Variants in ATP2B4 observed in about 807,000 individuals in gnomAD.
The protein encoded by ATP2B4 is plasma membrane calcium-transporting ATPase 4.
ATP2B4 carries 39 observed loss-of-function variants against 110.3 expected under a neutral mutation model. The observed-to-expected ratio is 0.35, with a 90% CI of 0.27 to 0.46. The LOEUF is 0.46. ATP2B4 is among the 20% of genes least tolerant of loss of function. The pLI is 1.00. For synonymous variants in ATP2B4, 538 were observed against 571.7 expected (o/e 0.94, Z 0.84); for missense variants, 1,135 against 1,530.9 (o/e 0.74, Z 4.32).
chr1:203,637,733 T>C (rs1663499979), intron 1 of ATP2B4, among the ~76,000 whole-genome samples: 1 of 152,238 alleles, frequency 6.6e-6, no homozygotes, highest in South Asian at 2.1e-4. Context: ...GCATTAGCCT[T>C]CCTGGCAACT....
chr1:203,682,383 C>T (rs1665042027), intron 1 of ATP2B4, among the ~76,000 whole-genome samples: 1 of 152,140 alleles, frequency 6.6e-6, no homozygotes, highest in Admixed American at 6.6e-5. Flanking sequence ...GATCCTGTCA[C>T]AGGTCCCTCA....
At chr1:203,644,851 C>T (rs1316581685) in intron 1 of ATP2B4, among the ~76,000 whole-genome samples, 2 of 152,142 alleles carry the variant, frequency 1.3e-5, no homozygotes, top group African/African-American at 2.4e-5. Flanking sequence ...TTCACTCTCC[C>T]TCTTCAAACT....
rs988693267 is a variant in ATP2B4 at position 203,629,298 on chromosome 1, T to A, written c.-465+2079T>A. Among the ~76,000 whole-genome samples the A allele has an allele frequency of 6.6e-6, 1 of 152,188 alleles. No individual in the cohort carries two copies. On this transcript the variant is annotated intron_variant, in intron 1 of 20. Coordinates refer to ENST00000357681, the MANE Select transcript of ATP2B4 (RefSeq NM_001684.5). The surrounding 1 kb of genome is among the most constrained non-coding windows in gnomAD (Gnocchi z 4.6). ...AGGGGATCCATTTCTATACTCCTCC[T>A]CGGGAGTCCCATCCTCCCTGCCACC...
intron 20 of ATP2B4, 62 bp downstream of exon 20, chr1:203,727,633 G>A (rs1666563707): frequency 6.3e-7 from 1 of 1,595,216 alleles, no homozygotes; most frequent in East Asian, 2.2e-5. Context: ...GGAAGGTGTT[G>A]GGAGGGTAGC....
Position 203,716,642 on chromosome 1 carries a change from C to G in ATP2B4, c.2406+2365C>G, listed in dbSNP as rs900053287. 5.5e-5 allele frequency among the ~76,000 whole-genome samples: 8 copies of G among 145,304 alleles called. 2 individuals carry two copies. In the East Asian group the frequency reaches 1.0e-3, roughly 19 times the overall value. On this transcript the variant is annotated intron_variant, in intron 15 of 20. Transcript: ENST00000357681. ...GTCTCAGGCCTGCTGTGTTAACTCT[C>G]TTTTGCACAATCCCCCTCCATCTTT...
chr1:203,713,952 A>T (rs1376666996), intron 14 of ATP2B4, among the ~76,000 whole-genome samples: 1 of 152,150 alleles, frequency 6.6e-6, no homozygotes, highest in Non-Finnish European at 1.5e-5. Context: ...CTTGAAATCC[A>T]TCCTATGTGT....
At position 203,741,718 on chromosome 1, in the gene ATP2B4, A is replaced by G. The variant is rs1444619805; in HGVS notation, c.*1864A>G. 1 of 152,646 alleles carries G rather than the reference A, an allele frequency of 6.6e-6. No homozygotes were observed. Among genetic ancestry groups the G allele is most frequent in the Non-Finnish European group, 1.5e-5 (1 of 68,050 alleles). The allele number at this position is 152,646 out of a possible 1,614,324, so 9.5% of individuals were successfully genotyped here. ...GTCCCCTACATATCCCCATGACTAC[A>G]TAATCCATCATCGTAGGAAATAGGA... On this transcript the variant is annotated 3_prime_UTR_variant, in exon 21 of 21. Transcript: ENST00000357681.
chr1:203,633,488 G>C (rs1351221273), intron 1 of ATP2B4, among the ~76,000 whole-genome samples: 1 of 152,138 alleles, frequency 6.6e-6, no homozygotes. Flanking sequence ...TGCCAGTTGG[G>C]CGCAGTGGCT....
Position 203,682,123 on chromosome 1 carries a change from A to G in ATP2B4, c.-464-619A>G, listed in dbSNP as rs114389965. On this transcript the variant is annotated intron_variant, in intron 1 of 20. Transcript: ENST00000357681. Reference sequence around the variant, plus strand: ...GGCTGAGTACTCTAACGGGCTTTGGAGGATTTTGACATCTTCTATCAAGTT... The same window carrying G: ...GGCTGAGTACTCTAACGGGCTTTGGGGGATTTTGACATCTTCTATCAAGTT... 1.2e-3 allele frequency among the ~76,000 whole-genome samples: 180 copies of G among 152,154 alleles called. 1 individual carries two copies. The highest frequency in any genetic ancestry group is 4.3e-3 in the African/African-American group (178 of 41,496).
At chr1:203,657,592 T>A in intron 1 of ATP2B4, 3 of 974,552 alleles carry the variant, frequency 3.1e-6, no homozygotes, top group Admixed American at 3.4e-5. Flanking sequence ...TGACACTGTT[T>A]AAGGTAAAGC....
At chr1:203,709,742 T>C (rs935758452) in intron 11 of ATP2B4, among the ~76,000 whole-genome samples, 200 bp downstream of exon 11, 8 of 152,142 alleles carry the variant, frequency 5.3e-5, no homozygotes, top group African/African-American at 7.2e-5. Flanking sequence ...TCCTCACAAC[T>C]CAGTAAGGTG....
chr1:203,645,460 G>A (rs1394989088), intron 1 of ATP2B4, among the ~76,000 whole-genome samples: 1 of 151,936 alleles, frequency 6.6e-6, no homozygotes, highest in African/African-American at 2.4e-5. Flanking sequence ...ACCTAGTTTT[G>A]TGAGGGGTTT....
intron 9 of ATP2B4, 112 bp downstream of exon 9, chr1:203,707,335 G>C: frequency 9.4e-7 from 1 of 1,068,302 alleles, no homozygotes; most frequent in East Asian, 2.5e-5. Flanking sequence ...ACTTTGGCTG[G>C]TGCCTCACAA....
intron 1 of ATP2B4, among the ~76,000 whole-genome samples, chr1:203,646,233 A>G (rs1362250332): frequency 2.2e-5 from 1 of 45,438 alleles, no homozygotes; most frequent in Non-Finnish European, 4.9e-5. Flanking sequence ...TTTCAAAAAA[A>G]GAAAGTAAGG....
At position 203,711,116 on chromosome 1, in the gene ATP2B4, G is replaced by T; in HGVS notation, c.2031+8G>T. 1 of 1,613,676 alleles carries T rather than the reference G, an allele frequency of 6.2e-7. No homozygotes were observed. Among genetic ancestry groups the T allele is most frequent in the Non-Finnish European group, 8.5e-7 (1 of 1,179,678 alleles). On this transcript the variant is annotated splice_region_variant and intron_variant, in intron 12 of 20. Transcript: ENST00000357681. ...GACCCTGTGCGCCCAGAGGTGAGAG[G>T]GTGGGAAGCCACCCAGGAGTCTCAG...
At chr1:203,728,705 A>G (rs1376740317) in intron 20 of ATP2B4, among the ~76,000 whole-genome samples, 3 of 152,066 alleles carry the variant, frequency 2.0e-5, no homozygotes, top group African/African-American at 7.2e-5. Context: ...TAAAAATCCA[A>G]AATTAGCCGG....
At chr1:203,679,480 CAT>C (rs747450253) in intron 1 of ATP2B4, among the ~76,000 whole-genome samples, 2 of 152,232 alleles carry the variant, frequency 1.3e-5, no homozygotes, top group Admixed American at 6.5e-5. Flanking sequence ...TTCTTTTCCA[CAT>C]GTGTTCTTCA....
At chr1:203,669,835 C>T (rs992833981) in intron 1 of ATP2B4, among the ~76,000 whole-genome samples, 2 of 152,186 alleles carry the variant, frequency 1.3e-5, no homozygotes, top group African/African-American at 4.8e-5. Context: ...CAGGTTAGGC[C>T]AGGCTCTGGA....
intron 8 of ATP2B4, among the ~76,000 whole-genome samples, chr1:203,706,052 G>A (rs1412234753): frequency 6.6e-6 from 1 of 152,156 alleles, no homozygotes; most frequent in Admixed American, 6.5e-5. Flanking sequence ...CCCAAATATT[G>A]TGCCACAGTT....
Sources: allele counts gnomAD v4.1 joint callset (sites outside exome capture counted in the v4.1 genomes callset), GRCh38; gene constraint gnomAD v4.1.1; non-coding constraint Gnocchi (gnomAD v3.1); transcripts MANE v1.5; gene names NCBI Gene and HGNC (gene_info 2026-07-23, HGNC 2026-07-21).